Variants in DGCR2 observed in about 807,000 individuals in gnomAD.
DGCR2 encodes integral membrane protein DGCR2/IDD.
DGCR2 carries 24 observed loss-of-function variants against 51.6 expected under a neutral mutation model. That is an observed-to-expected ratio of 0.47 (90% confidence interval 0.34 to 0.65). The LOEUF is 0.65. Among genes scored for constraint, DGCR2 ranks in the 30% least tolerant of loss-of-function variants. The pLI, the probability that DGCR2 is intolerant of heterozygous loss-of-function variation, is 0.01. For synonymous variants in DGCR2, 340 were observed against 315.4 expected (o/e 1.08, Z -0.82); for missense variants, 765 against 772.1 (o/e 0.99, Z 0.11).
At chr22:19,113,487 G>A (rs921860559) in intron 1 of DGCR2, among the ~76,000 whole-genome samples, 1 of 152,040 alleles carries the variant, frequency 6.6e-6, no homozygotes, top group African/African-American at 2.4e-5. Flanking sequence ...GCATACTCTA[G>A]TAGCTAGCAA....
intron 1 of DGCR2, among the ~76,000 whole-genome samples, chr22:19,093,610 AC>A (rs1181853428): frequency 6.6e-6 from 1 of 152,014 alleles, no homozygotes; most frequent in African/African-American, 2.4e-5. Context: ...CAGAGAGAAA[AC>A]ATTTGCAAAT....
At chr22:19,121,934 C>T (rs1362674805) in intron 1 of DGCR2, 194 bp downstream of exon 1, 5 of 290,666 alleles carry the variant, frequency 1.7e-5, no homozygotes, top group Non-Finnish European at 2.5e-5. Flanking sequence ...GCACGAAGTC[C>T]GAGGCGCCGC....
At chr22:19,086,489 A>G (rs2083018085) in intron 2 of DGCR2, among the ~76,000 whole-genome samples, 1 of 152,104 alleles carries the variant, frequency 6.6e-6, no homozygotes, top group Admixed American at 6.5e-5. Context: ...AAATAAAAAA[A>G]AAAGAAATCA....
At chr22:19,088,507 C>T (rs2083042662) in intron 2 of DGCR2, among the ~76,000 whole-genome samples, 1 of 152,160 alleles carries the variant, frequency 6.6e-6, no homozygotes, top group African/African-American at 2.4e-5. Context: ...AGCTGAGCCA[C>T]TGAAGGGGAA....
In DGCR2 at chr22:19,057,663, C is replaced by T. The variant is rs965787260; in HGVS notation, c.626-501G>A. Among the ~76,000 whole-genome samples, 1 of 152,206 alleles carries T rather than the reference C, an allele frequency of 6.6e-6. No homozygotes were observed. ...GCCGTCAGGCAGCATTGGCACTGGC[C>T]GGCACTGCCAGCAGCTGGCTGCAGG... On this transcript the variant is annotated intron_variant, in intron 5 of 9. Coordinates refer to ENST00000263196, the MANE Select transcript of DGCR2 (RefSeq NM_005137.3). The surrounding 1 kb of genome is among the most constrained non-coding windows in gnomAD (Gnocchi z 5.1).
chr22:19,046,591 G>A (rs570780182), intron 7 of DGCR2: 1 of 192,938 alleles, frequency 5.2e-6, no homozygotes, highest in Admixed American at 5.1e-5. Context: ...CTTGTTGGAG[G>A]GGACATTCTG....
At chr22:19,119,409 A>G (rs951284064) in intron 1 of DGCR2, among the ~76,000 whole-genome samples, 3 of 152,198 alleles carry the variant, frequency 2.0e-5, no homozygotes, top group African/African-American at 7.2e-5. Context: ...TGTCCGGCAC[A>G]TGACACATCT....
rs34989463 is a variant in DGCR2, at chr22:19,064,973, G to A, written c.423C>T (p.Ala141=). The A allele has an allele frequency of 3.2e-3, 5,153 of 1,613,968 alleles. 140 individuals carry two copies. The African/African-American group carries it at 0.059, about 19-fold the overall frequency. The stretch of plus-strand genomic sequence containing the variant: ...CATTCAGGCGCTGGCAGGTCTGCGC[G>A]GCATCCCAGTAGTTCTCCCCGCTCA... ...VYLSGENYWD[A]AQTCQRLNGS... Residue 141 remains alanine (A), a synonymous_variant, in exon 4 of 10, where the codon GCC becomes GCT. Transcript: ENST00000263196.
Position 19,037,865 on chromosome 22 carries a change from TGGC to T in DGCR2, c.*997_*999del, listed in dbSNP as rs1259626184. On this transcript the variant is annotated 3_prime_UTR_variant, in exon 10 of 10. Transcript: ENST00000263196. ...GCCGCTGGGCACTGAGCTGCAGTAG[TGGC>T]GGTGATGTAAGGAGTGGACTTTAAG... 2 of 152,554 alleles carry T rather than the reference TGGC, an allele frequency of 1.3e-5. No homozygotes were observed. Among genetic ancestry groups the T allele is most frequent in the African/African-American group, 4.8e-5 (2 of 41,396 alleles). The allele number at this position is 152,554 out of a possible 1,614,324, so 9.5% of individuals were successfully genotyped here.
intron 1 of DGCR2, among the ~76,000 whole-genome samples, chr22:19,113,810 G>A (rs1029366064): frequency 6.6e-6 from 1 of 152,112 alleles, no homozygotes; most frequent in African/African-American, 2.4e-5. Context: ...TGTAATCTCA[G>A]CACTTTGGGA....
chr22:19,116,380 G>C (rs200671915), intron 1 of DGCR2, among the ~76,000 whole-genome samples: 1 of 152,264 alleles, frequency 6.6e-6, no homozygotes, highest in Non-Finnish European at 1.5e-5. Context: ...GGCAGGATGA[G>C]ATGGACTGGC....
intron 1 of DGCR2, among the ~76,000 whole-genome samples, chr22:19,093,789 G>A (rs1345654574): frequency 2.0e-5 from 3 of 152,040 alleles, no homozygotes; most frequent in African/African-American, 4.8e-5. Flanking sequence ...TTGAGCCCAG[G>A]AGTTCAAAAC....
At chr22:19,113,382 TAA>T (rs10709293) in intron 1 of DGCR2, among the ~76,000 whole-genome samples, 2,464 of 142,780 alleles carry the variant, frequency 0.017, 88 homozygotes, top group East Asian at 0.066. Context: ...AAAATAAAAA[TAA>T]AAAAAAAAAA....
intron 5 of DGCR2, chr22:19,060,894 C>T (rs760310903): frequency 1.4e-5 from 7 of 515,832 alleles, no homozygotes; most frequent in Non-Finnish European, 1.9e-5. Flanking sequence ...AATGTGTGTG[C>T]AGGGTACCGA....
intron 1 of DGCR2, among the ~76,000 whole-genome samples, chr22:19,117,289 C>G (rs941556810): frequency 5.3e-5 from 8 of 152,262 alleles, no homozygotes; most frequent in African/African-American, 1.9e-4. Context: ...CGCAGCCTAA[C>G]ACAGCACAAA....
intron 3 of DGCR2, 120 bp from the exon 4 acceptor site, chr22:19,065,187 A>C (rs1333415345): frequency 4.9e-6 from 4 of 809,404 alleles, no homozygotes; most frequent in Non-Finnish European, 7.8e-6. Context: ...GGGGAAACTG[A>C]GGCTCAAGAG....
chr22:19,084,549 A>G (rs1323711430), intron 2 of DGCR2, among the ~76,000 whole-genome samples: 1 of 123,588 alleles, frequency 8.1e-6, no homozygotes, highest in African/African-American at 3.5e-5. Context: ...AGAAGTGAGG[A>G]GCCCCTCCGC....
intron 1 of DGCR2, among the ~76,000 whole-genome samples, chr22:19,118,243 G>A (rs927554405): frequency 1.3e-5 from 2 of 152,016 alleles, no homozygotes; most frequent in Non-Finnish European, 2.9e-5. Context: ...ATGGTGGCGT[G>A]CGCCGTAATC....
chr22:19,041,685 C>A, intron 8 of DGCR2, 122 bp downstream of exon 8: 1 of 1,169,458 alleles, frequency 8.6e-7, no homozygotes, highest in Non-Finnish European at 1.2e-6. Flanking sequence ...ACAGACCCCA[C>A]AACATGTGGC....
Sources: allele counts gnomAD v4.1 joint callset (sites outside exome capture counted in the v4.1 genomes callset), GRCh38; gene constraint gnomAD v4.1.1; non-coding constraint Gnocchi (gnomAD v3.1); transcripts MANE v1.5; gene names NCBI Gene and HGNC (gene_info 2026-07-23, HGNC 2026-07-21).